CES2: variants seen among roughly 807,000 people sequenced by gnomAD.
The protein encoded by CES2 is carboxylesterase 2, also known as cocaine esterase.
CES2 carries 42 observed loss-of-function variants against 52.1 expected under a neutral mutation model. The ratio of observed to expected loss-of-function variants is 0.81; its 90% CI spans 0.63 to 1.04. CES2 has a LOEUF of 1.04. Ranked by LOEUF, CES2 falls within the 50% of genes least tolerant of loss-of-function variation. CES2 has a pLI of 0.00. For synonymous variants in CES2, 277 were observed against 289.6 expected (o/e 0.96, Z 0.44); for missense variants, 656 against 724.3 (o/e 0.91, Z 1.08).
In CES2 at chr16:66,938,084, C is replaced by A. The variant is rs1214136548; in HGVS notation, c.124C>A (p.Leu42Met). 1.2e-6 allele frequency: 2 copies of A among 1,614,074 alleles called. No homozygotes were observed. The highest frequency in any genetic ancestry group is 1.3e-5 in the African/African-American group (1 of 74,930). The change falls in exon 2 of 12, where the codon CTG becomes ATG. Residue 42 changes from leucine (L) to methionine (M), a missense_variant. Coordinates refer to ENST00000317091, the MANE Select transcript of CES2 (RefSeq NM_001365405.1). ...PIRTTHTGQVLGSLVHVKGAN... is the reference protein window; with the variant it reads ...PIRTTHTGQVMGSLVHVKGAN... ...CCGGACCACACACACGGGGCAGGTG[C>A]TGGGGAGTCTTGTCCATGTGAAGGG...
rs776138874 is a variant in CES2, at chr16:66,939,286, C to T, written c.351C>T (p.Asp117=). Reference sequence around the variant, plus strand: ...AGTTCAACATGACCTTCCCTTCCGACTCCATGTCTGAGGACTGCCTGTACC... The same window carrying T: ...AGTTCAACATGACCTTCCCTTCCGATTCCATGTCTGAGGACTGCCTGTACC... ...LSQFNMTFPS[D]SMSEDCLYLS... Residue 117 remains aspartate (D), a synonymous_variant, in exon 3 of 12, where the codon GAC becomes GAT. Transcript: ENST00000317091. The T allele has an allele frequency of 6.2e-7, 1 of 1,613,948 alleles. No individual in the cohort carries two copies. The highest frequency in any genetic ancestry group is 8.5e-7 in the Non-Finnish European group (1 of 1,179,822).
Position 66,938,119 on chromosome 16 carries a change from C to T in CES2, c.159C>T (p.Ala53=), listed in dbSNP as rs200876371. The T allele has an allele frequency of 3.9e-5, 63 of 1,614,032 alleles. No individual in the cohort carries two copies. The highest frequency in any genetic ancestry group is 6.7e-5 in the African/African-American group (5 of 74,920). ...TTGTCCATGTGAAGGGCGCCAATGC[C>T]GGGGTCCAAACCTTCCTGGGAATTC... The part of the protein sequence containing the change: ...GSLVHVKGAN[A]GVQTFLGIPF... Residue 53 remains alanine, a synonymous_variant, in exon 2 of 12, where the codon GCC becomes GCT. Coordinates refer to ENST00000317091, the MANE Select transcript of CES2 (RefSeq NM_001365405.1).
rs1474403402 is a variant in CES2 at position 66,935,745 on chromosome 16, G to T, written c.76+34G>T. ...CCCTCGGAGGGGCGACAGGGACCGG[G>T]CTCAGATCTGCCAAATGCTGCGGAG... On this transcript the variant is annotated intron_variant, in intron 1 of 11. Coordinates refer to ENST00000317091, the MANE Select transcript of CES2 (RefSeq NM_001365405.1). 3 of 1,598,528 alleles carry T rather than the reference G, an allele frequency of 1.9e-6. No individual in the cohort carries two copies. The South Asian group carries it at 3.3e-5, about 18-fold the overall frequency.
Position 66,940,172 on chromosome 16 carries a change from G to T in CES2, c.424-50G>T, listed in dbSNP as rs534598744. 162 of 1,605,354 alleles carry T rather than the reference G, an allele frequency of 1.0e-4. 2 individuals carry two copies. In the South Asian group the frequency reaches 1.8e-3, roughly 18 times the overall value. ...GGTTGGTCTAGGTAGTGGCCCTGGTGGGGTTTGGGCTGGGTGGGAGCATCA... is the reference window on the plus strand; with the variant it reads ...GGTTGGTCTAGGTAGTGGCCCTGGTTGGGTTTGGGCTGGGTGGGAGCATCA... On this transcript the variant is annotated intron_variant, in intron 3 of 11. Coordinates refer to ENST00000317091, the MANE Select transcript of CES2 (RefSeq NM_001365405.1).
In CES2 at chr16:66,939,267, A is replaced by G. The variant is rs148026549; in HGVS notation, c.332A>G (p.Asn111Ser). The G allele has an allele frequency of 1.2e-3, 1,913 of 1,613,874 alleles. 17 individuals are homozygous for G. The highest frequency in any genetic ancestry group is 5.0e-4 in the Middle Eastern group (3 of 6,060). ...GAGTCAGAGTTTCTTAGCCAGTTCA[A>G]CATGACCTTCCCTTCCGACTCCATG... ...AVESEFLSQF[N>S]MTFPSDSMSE... The change falls in exon 3 of 12, where the codon AAC becomes AGC. Residue 111 changes from asparagine to serine, a missense_variant. Transcript: ENST00000317091.
intron 3 of CES2, among the ~76,000 whole-genome samples, chr16:66,939,868 A>G (rs1049849675): frequency 6.6e-6 from 1 of 152,214 alleles, no homozygotes; most frequent in Non-Finnish European, 1.5e-5. Context: ...TGCCTGGCTC[A>G]TTTTTAAAAC....
rs1963258280 is a variant in CES2 at position 66,938,077 on chromosome 16, G to A, written c.117G>A (p.Gly39=). 6.2e-7 allele frequency: 1 copy of A among 1,614,072 alleles called. No individual in the cohort carries two copies. The highest frequency in any genetic ancestry group is 1.1e-5 in the South Asian group (1 of 91,092). The change falls in exon 2 of 12, where the codon GGG becomes GGA. Residue 39 remains glycine, a synonymous_variant. Coordinates refer to ENST00000317091, the MANE Select transcript of CES2 (RefSeq NM_001365405.1). The part of the protein sequence containing the change: ...SASPIRTTHT[G]QVLGSLVHVK... Reference sequence around the variant, plus strand: ...GTCCCATCCGGACCACACACACGGGGCAGGTGCTGGGGAGTCTTGTCCATG... The same window carrying A: ...GTCCCATCCGGACCACACACACGGGACAGGTGCTGGGGAGTCTTGTCCATG...
chr16:66,943,992 CGAG>C lies in CES2; in HGVS notation c.1651_1653del (p.Glu551del). On this transcript the variant is annotated inframe_deletion, in exon 12 of 12. Coordinates refer to ENST00000317091, the MANE Select transcript of CES2 (RefSeq NM_001365405.1). The surrounding 1 kb of genome is among the most constrained non-coding windows in gnomAD (Gnocchi z 4.2). ...CGCTGCCCCAAAAGATCCAGGAGCT[CGAG>C]GAGCCTGAAGAGAGACACACAGAGC... is the stretch of plus-strand genomic sequence containing the variant. The C allele has an allele frequency of 1.3e-6, 2 of 1,579,096 alleles. No individual in the cohort carries two copies. The highest frequency in any genetic ancestry group is 1.7e-6 in the Non-Finnish European group (2 of 1,158,388).
chr16:66,940,740 C>T (rs776706624), intron 5 of CES2, 45 bp downstream of exon 5: 1 of 1,591,994 alleles, frequency 6.3e-7, no homozygotes, highest in South Asian at 1.1e-5. Flanking sequence ...TCCCTCCCCT[C>T]ATATCCCTCA....
At position 66,944,433 on chromosome 16, in the gene CES2, T is replaced by G. The variant is rs990880828; in HGVS notation, c.*408T>G. 2.0e-5 allele frequency: 3 copies of G among 153,014 alleles called. No individual in the cohort carries two copies. The highest frequency in any genetic ancestry group is 7.3e-5 in the African/African-American group (3 of 41,010). The allele number at this position is 153,014 out of a possible 1,614,324, so 9.5% of individuals were successfully genotyped here. A position where few individuals can be genotyped will look rare whatever the true frequency, so the allele number is the denominator to read the frequency against. ...GAAAACAAAATATAAGGGAAAAATA[T>G]GAGAAAAATAAAAATAAAAAGAGAA... On this transcript the variant is annotated 3_prime_UTR_variant, in exon 12 of 12. Coordinates refer to ENST00000317091, the MANE Select transcript of CES2 (RefSeq NM_001365405.1).
Position 66,938,256 on chromosome 16 carries a change from G to T in CES2, c.281+15G>T. 1 of 1,599,952 alleles carries T rather than the reference G, an allele frequency of 6.3e-7. No individual in the cohort carries two copies. Among genetic ancestry groups the T allele is most frequent in the Non-Finnish European group, 8.6e-7 (1 of 1,167,176 alleles). On this transcript the variant is annotated intron_variant, in intron 2 of 11. Coordinates refer to ENST00000317091, the MANE Select transcript of CES2 (RefSeq NM_001365405.1). Reference sequence around the variant, plus strand: ...CATCCGGCCATGTAAGCTCTCCAAGGGGTCCAGGGAACTCCAGGCCCTGGG... The same window carrying T: ...CATCCGGCCATGTAAGCTCTCCAAGTGGTCCAGGGAACTCCAGGCCCTGGG...
At chr16:66,941,395 G>T in intron 6 of CES2, 111 bp from the exon 7 acceptor site, 2 of 1,532,036 alleles carry the variant, frequency 1.3e-6, no homozygotes, top group East Asian at 4.6e-5. Flanking sequence ...TAATCTCCTG[G>T]GGTGGGTATG....
rs866944195 is a variant in CES2 at position 66,938,166 on chromosome 16, G to A, written c.206G>A (p.Gly69Asp). The A allele has an allele frequency of 1.9e-6, 3 of 1,614,172 alleles. No individual in the cohort carries two copies. The African/African-American group carries it at 4.0e-5, about 22-fold the overall frequency. ...ATTCCATTTGCCAAGCCACCTCTAG[G>A]TCCGCTGCGATTTGCACCCCCTGAG... ...LGIPFAKPPL[G>D]PLRFAPPEPP... is the part of the protein sequence containing the mutation. Residue 69 changes from glycine to aspartate, a missense_variant, in exon 2 of 12, where the codon GGT (glycine) becomes GAT (aspartate). By Grantham distance (94) the Gly-to-Asp change is moderately conservative (BLOSUM62 -1). Coordinates refer to ENST00000317091, the MANE Select transcript of CES2 (RefSeq NM_001365405.1).
chr16:66,941,159 C>T lies in CES2; in HGVS notation c.852C>T (p.Asp284=), dbSNP rs1963353320. The T allele has an allele frequency of 1.9e-6, 3 of 1,614,042 alleles. No homozygotes were observed. The highest frequency in any genetic ancestry group is 2.2e-5 in the East Asian group (1 of 44,876). Residue 284 remains aspartate (D), a synonymous_variant, in exon 6 of 12, where the codon GAC becomes GAT. Coordinates refer to ENST00000317091, the MANE Select transcript of CES2 (RefSeq NM_001365405.1). Reference sequence around the variant, plus strand: ...ACCTGTCTGCCTGTGACCAAGTTGACTCTGAGGCCCTGGTGGGCTGCCTGC... The same window carrying T: ...ACCTGTCTGCCTGTGACCAAGTTGATTCTGAGGCCCTGGTGGGCTGCCTGC... ...VANLSACDQV[D]SEALVGCLRG...
chr16:66,941,529 G>A lies in CES2; in HGVS notation c.939G>A (p.Val313=). ...INKPFKMIPG[V]VDGVFLPRHP... is the part of the protein sequence containing the mutation. ...AGCCTTTCAAGATGATCCCCGGAGTGGTGGATGGGGTCTTCCTGCCCAGGC... is the reference window on the plus strand; with the variant it reads ...AGCCTTTCAAGATGATCCCCGGAGTAGTGGATGGGGTCTTCCTGCCCAGGC... Residue 313 remains valine (V), a synonymous_variant, in exon 7 of 12, where the codon GTG becomes GTA. Coordinates refer to ENST00000317091, the MANE Select transcript of CES2 (RefSeq NM_001365405.1). 3 of 1,614,118 alleles carry A rather than the reference G, an allele frequency of 1.9e-6. No homozygotes were observed. Among genetic ancestry groups the A allele is most frequent in the Non-Finnish European group, 2.5e-6 (3 of 1,180,000 alleles).
chr16:66,943,848 T>A lies in CES2; in HGVS notation c.1503T>A (p.Asn501Lys). 1 of 1,595,028 alleles carries A rather than the reference T, an allele frequency of 6.3e-7. No individual in the cohort carries two copies. Among genetic ancestry groups the A allele is most frequent in the Non-Finnish European group, 8.6e-7 (1 of 1,166,872 alleles). The change falls in exon 12 of 12, where the codon AAT (asparagine) becomes AAA (lysine). Residue 501 changes from asparagine to lysine, a missense_variant. Asn to Lys is a moderately conservative substitution (Grantham distance 94, BLOSUM62 0). Coordinates refer to ENST00000317091, the MANE Select transcript of CES2 (RefSeq NM_001365405.1). The surrounding 1 kb of genome is among the most constrained non-coding windows in gnomAD (Gnocchi z 4.2). ...GATGGCATGTCTACAGGAACCCCAA[T>A]GGCGAGGGTCTGCCACACTGGCCGC... ...WANFARNGNP[N>K]GEGLPHWPLF...
At chr16:66,938,561 G>C (rs1220015887) in intron 2 of CES2, among the ~76,000 whole-genome samples, 1 of 152,194 alleles carries the variant, frequency 6.6e-6, no homozygotes, top group African/African-American at 2.4e-5. Context: ...GGTGTCTCTG[G>C]GAAAGGTTCG....
At chr16:66,935,370 A>G, upstream of CES2, 4 of 1,465,252 alleles carry the variant, frequency 2.7e-6, no homozygotes, top group Non-Finnish European at 3.7e-6. Context: ...GCCCCTTCCG[A>G]GGATGCCAAA....
chr16:66,936,690 C>T (rs1376602589), intron 1 of CES2, among the ~76,000 whole-genome samples: 1 of 152,118 alleles, frequency 6.6e-6, no homozygotes, highest in African/African-American at 2.4e-5. Context: ...TTGGTCCTCT[C>T]ACCCGAAACT....
Sources: allele counts gnomAD v4.1 joint callset (sites outside exome capture counted in the v4.1 genomes callset), GRCh38; gene constraint gnomAD v4.1.1; non-coding constraint Gnocchi (gnomAD v3.1); transcripts MANE v1.5; gene names NCBI Gene and HGNC (gene_info 2026-07-23, HGNC 2026-07-21).